GGTA1: variants seen among roughly 807,000 people sequenced by gnomAD.
The protein encoded by GGTA1 is inactive N-acetyllactosaminide alpha-1,3-galactosyltransferase.
Under a neutral mutation model 2.6 loss-of-function variants are expected in GGTA1, and 5 were observed. That is an observed-to-expected ratio of 1.92 (90% CI 1.00 to 4.04). The LOEUF (loss-of-function observed/expected upper bound fraction) is 4.04. Ranked by LOEUF, GGTA1 falls within the 30% of genes most tolerant of loss-of-function variation. The pLI is 0.00. For missense variants in GGTA1, 50 were observed against 16.7 expected (o/e 2.99, Z -3.47); for synonymous variants, 17 against 5.0 (o/e 3.38, Z -3.19).
chr9:121,469,228 G>A (rs1440849882), intron 1 of GGTA1, among the ~76,000 whole-genome samples: 1 of 152,146 alleles, frequency 6.6e-6, no homozygotes, highest in Non-Finnish European at 1.5e-5. Context: ...GAGTCCCAAG[G>A]GATAAAGAGG....
intron 1 of GGTA1, among the ~76,000 whole-genome samples, chr9:121,478,436 A>G (rs1828561525): frequency 6.6e-6 from 1 of 152,228 alleles, no homozygotes; most frequent in Non-Finnish European, 1.5e-5. Context: ...ATCACTGGGC[A>G]TGCCCAGAAG....
At chr9:121,453,780 C>T (rs879450420), downstream of GGTA1, among the ~76,000 whole-genome samples, 8 of 152,118 alleles carry the variant, frequency 5.3e-5, no homozygotes, top group East Asian at 1.9e-4. Flanking sequence ...TTCACAGAAT[C>T]GCCCTACCCA....
At chr9:121,447,808 T>C (rs2064859199) in intron 7 of GGTA1, among the ~76,000 whole-genome samples, 1 of 152,096 alleles carries the variant, frequency 6.6e-6, no homozygotes, top group Non-Finnish European at 1.5e-5. Context: ...GTTAGTGTAA[T>C]ACCCCGGCTA....
intron 1 of GGTA1, among the ~76,000 whole-genome samples, chr9:121,480,061 C>CTTTTCTTTTCTTTTTT (rs58602847): frequency 1.9e-4 from 26 of 139,848 alleles, no homozygotes; most frequent in East Asian, 4.1e-4. Flanking sequence ...CTTTTCTTTT[C>CTTTTCTTTTCTTTTTT]TTTTTTTTTT....
chr9:121,489,029 A>G (rs1828818694), intron 1 of GGTA1, among the ~76,000 whole-genome samples: 1 of 152,168 alleles, frequency 6.6e-6, no homozygotes, highest in Admixed American at 6.6e-5. Flanking sequence ...CAGCAGTGTG[A>G]TGGAGTTGGT....
chr9:121,453,520 C>T (rs546142348), downstream of GGTA1, among the ~76,000 whole-genome samples: 37 of 152,326 alleles, frequency 2.4e-4, no homozygotes, highest in African/African-American at 6.7e-4. Flanking sequence ...GCATTTTCCC[C>T]GTTGGGAAGC....
intron 1 of GGTA1, among the ~76,000 whole-genome samples, chr9:121,499,390 C>G (rs1052791059): frequency 6.6e-6 from 1 of 152,180 alleles, no homozygotes; most frequent in Non-Finnish European, 1.5e-5. Context: ...CAGCTTGCAG[C>G]TCTTCAGGCT....
intron 1 of GGTA1, among the ~76,000 whole-genome samples, chr9:121,496,369 TCA>T (rs1205593678): frequency 3.7e-4 from 57 of 152,076 alleles, no homozygotes; most frequent in Non-Finnish European, 7.6e-4. Flanking sequence ...CATCTCCATA[TCA>T]CCATATCCCT....
intron 2 of GGTA1, among the ~76,000 whole-genome samples, chr9:121,466,337 G>A (rs1286266114): frequency 6.6e-6 from 1 of 152,200 alleles, no homozygotes; most frequent in African/African-American, 2.4e-5. Context: ...GCCCTCAGTT[G>A]CCTAAGAGAG....
At chr9:121,483,774 G>A (rs1472260943) in intron 1 of GGTA1, among the ~76,000 whole-genome samples, 2 of 152,142 alleles carry the variant, frequency 1.3e-5, no homozygotes. Context: ...TCATGTCCCA[G>A]GTCACTTCCT....
chr9:121,470,906 C>T (rs753992745), intron 1 of GGTA1, among the ~76,000 whole-genome samples: 7 of 152,350 alleles, frequency 4.6e-5, no homozygotes, highest in South Asian at 4.1e-4. Flanking sequence ...TCCCGCATAG[C>T]GGGCTCTGTG....
At chr9:121,475,336 G>A (rs981348516) in intron 1 of GGTA1, among the ~76,000 whole-genome samples, 4 of 152,168 alleles carry the variant, frequency 2.6e-5, no homozygotes, top group Non-Finnish European at 4.4e-5. Context: ...TGTTTAGCAT[G>A]TCATCAAGAA....
At chr9:121,483,153 G>C (rs1463730537) in intron 1 of GGTA1, among the ~76,000 whole-genome samples, 1 of 152,076 alleles carries the variant, frequency 6.6e-6, no homozygotes, top group Non-Finnish European at 1.5e-5. Context: ...TATCTCAATG[G>C]ATCATCACAA....
chr9:121,457,077 G>A (rs1350766650), intron 5 of GGTA1, among the ~76,000 whole-genome samples: 1 of 152,318 alleles, frequency 6.6e-6, no homozygotes, highest in South Asian at 2.1e-4. Flanking sequence ...AGCGGCTGTC[G>A]AGTGGAGAGA....
At chr9:121,453,547 C>A (rs1232248870), downstream of GGTA1, among the ~76,000 whole-genome samples, 2 of 152,192 alleles carry the variant, frequency 1.3e-5, no homozygotes, top group Non-Finnish European at 2.9e-5. Context: ...TGGCACAGGT[C>A]ATTTAGATTC....
At chr9:121,456,652 G>T (rs754966259) in intron 5 of GGTA1, among the ~76,000 whole-genome samples, 1 of 152,056 alleles carries the variant, frequency 6.6e-6, no homozygotes, top group Non-Finnish European at 1.5e-5. Flanking sequence ...CCGACCTCAG[G>T]TGATCCACCC....
intron 1 of GGTA1, among the ~76,000 whole-genome samples, chr9:121,472,315 C>G (rs888158968): frequency 6.6e-6 from 1 of 152,144 alleles, no homozygotes; most frequent in African/African-American, 2.4e-5. Context: ...TGGACCTCTA[C>G]TGGATCACAT....
chr9:121,488,869 A>G (rs1245140861), intron 1 of GGTA1, among the ~76,000 whole-genome samples: 1 of 152,150 alleles, frequency 6.6e-6, no homozygotes, highest in Non-Finnish European at 1.5e-5. Context: ...AGATCATACC[A>G]CTGCACTGCA....
intron 1 of GGTA1, among the ~76,000 whole-genome samples, chr9:121,481,152 C>CAAAAAAAAAAAAAAAAAA (rs56784223): frequency 1.3e-5 from 1 of 78,560 alleles, no homozygotes; most frequent in Non-Finnish European, 2.4e-5. Flanking sequence ...GACACCATCT[C>CAAAAAAAAAAAAAAAAAA]AAAAAAAAAA....
Sources: allele counts gnomAD v4.1 joint callset (sites outside exome capture counted in the v4.1 genomes callset), GRCh38; gene constraint gnomAD v4.1.1; transcripts MANE v1.5; gene names NCBI Gene and HGNC (gene_info 2026-07-23, HGNC 2026-07-21).